ZNG1F: variants seen among roughly 807,000 people sequenced by gnomAD.
ZNG1F encodes Zn regulated GTPase metalloprotein activator 1F.
the ZNG1F span, chr9:41,158,614 T>A: frequency 1.6e-5 from 1 of 62,250 alleles, no homozygotes; most frequent in African/African-American, 5.5e-5. Flanking sequence ...ATATTAGACC[T>A]GTATAACAAA....
the ZNG1F span, chr9:41,174,322 G>A: frequency 6.3e-7 from 1 of 1,592,698 alleles, no homozygotes; most frequent in Non-Finnish European, 8.5e-7. Flanking sequence ...CCCTAATTCG[G>A]CATCAACCCA....
chr9:41,154,639 A>G, the ZNG1F span, among the ~76,000 whole-genome samples: 1 of 147,516 alleles, frequency 6.8e-6, no homozygotes, highest in South Asian at 2.2e-4. Context: ...ACAGCATGGT[A>G]CTGGTACCAA....
the ZNG1F span, chr9:41,157,435 G>A: frequency 2.2e-5 from 3 of 138,878 alleles, no homozygotes; most frequent in African/African-American, 8.4e-5. Flanking sequence ...CTGCACTCCA[G>A]CCTGGCACAG....
the ZNG1F span, among the ~76,000 whole-genome samples, chr9:41,174,665 A>C: frequency 8.6e-6 from 1 of 116,518 alleles, no homozygotes; most frequent in East Asian, 2.2e-4. Context: ...ATATTATCAA[A>C]CAATTTGAGC....
At chr9:41,187,261 AG>A in the ZNG1F span, among the ~76,000 whole-genome samples, 3 of 133,314 alleles carry the variant, frequency 2.3e-5, no homozygotes, top group Non-Finnish European at 4.9e-5. Context: ...TATTAAGGGA[AG>A]GGGGGAATGG....
chr9:41,156,199 C>A, the ZNG1F span, among the ~76,000 whole-genome samples: 2 of 121,104 alleles, frequency 1.7e-5, no homozygotes, highest in Non-Finnish European at 3.4e-5. Flanking sequence ...CAGGAAAATG[C>A]AATATGATTT....
At chr9:41,165,080 C>A in the ZNG1F span, 1 of 1,578,710 alleles carries the variant, frequency 6.3e-7, no homozygotes, top group Non-Finnish European at 8.6e-7. Flanking sequence ...TCTGCCAAAG[C>A]AACTTGCCTA....
chr9:41,156,025 T>TG, the ZNG1F span, among the ~76,000 whole-genome samples: 1 of 107,302 alleles, frequency 9.3e-6, no homozygotes, highest in Non-Finnish European at 1.9e-5. Context: ...AAATAAAAAA[T>TG]AAAAAAATAA....
At chr9:41,184,487 ATACT>A in the ZNG1F span, among the ~76,000 whole-genome samples, 1 of 144,034 alleles carries the variant, frequency 6.9e-6, no homozygotes, top group Non-Finnish European at 1.5e-5. Flanking sequence ...TTTCCTAGCA[ATACT>A]TACTTAAGAA....
chr9:41,204,385 A>ATT, the ZNG1F span, among the ~76,000 whole-genome samples: 4 of 36,444 alleles, frequency 1.1e-4, no homozygotes, highest in Non-Finnish European at 2.4e-4. Flanking sequence ...ATAAATTTTT[A>ATT]TTTTATATAT....
chr9:41,183,708 C>A, the ZNG1F span: 2 of 1,604,994 alleles, frequency 1.2e-6, no homozygotes, highest in South Asian at 1.1e-5. Flanking sequence ...TAGCTTATGT[C>A]CATTAGCCAA....
the ZNG1F span, among the ~76,000 whole-genome samples, chr9:41,180,709 C>G: frequency 7.9e-6 from 1 of 126,500 alleles, no homozygotes; most frequent in Non-Finnish European, 1.7e-5. Flanking sequence ...TGTATACAGT[C>G]TTGCTCTGTT....
the ZNG1F span, among the ~76,000 whole-genome samples, chr9:41,171,380 A>C: frequency 3.2e-5 from 1 of 30,792 alleles, no homozygotes; most frequent in African/African-American, 9.4e-5. Context: ...AGGTATTGGT[A>C]GCTATTTGAC....
chr9:41,166,475 A>T, the ZNG1F span, among the ~76,000 whole-genome samples: 133 of 126,674 alleles, frequency 1.0e-3, no homozygotes, highest in East Asian at 4.2e-3. Flanking sequence ...TATATATATA[A>T]AATCTTCAAT....
the ZNG1F span, among the ~76,000 whole-genome samples, chr9:41,183,327 C>A: frequency 8.0e-6 from 1 of 124,734 alleles, no homozygotes; most frequent in Non-Finnish European, 1.7e-5. Flanking sequence ...ATTAAATAAG[C>A]CCTGACATCA....
At chr9:41,150,248 T>C in the ZNG1F span, among the ~76,000 whole-genome samples, 26 of 148,776 alleles carry the variant, frequency 1.7e-4, no homozygotes, top group Non-Finnish European at 3.0e-4. Context: ...CCCACCCGAA[T>C]ACTGCGCTTT....
the ZNG1F span, among the ~76,000 whole-genome samples, chr9:41,146,403 C>CAAA: frequency 3.9e-4 from 1 of 2,538 alleles, no homozygotes; most frequent in African/African-American, 5.8e-4. Context: ...TCATACGCAG[C>CAAA]AAAAAAAAAA....
chr9:41,159,229 A>C, the ZNG1F span, among the ~76,000 whole-genome samples: 1 of 149,836 alleles, frequency 6.7e-6, no homozygotes, highest in Admixed American at 6.8e-5. Flanking sequence ...CAATCCAAGT[A>C]TCCAGTATCT....
At chr9:41,183,256 C>T in the ZNG1F span, among the ~76,000 whole-genome samples, 1 of 142,680 alleles carries the variant, frequency 7.0e-6, no homozygotes, top group Non-Finnish European at 1.5e-5. Context: ...AGAAGTATGA[C>T]CAATGACAGA....
Sources: gnomAD v4.1 joint callset for allele counts (sites outside exome capture counted in the v4.1 genomes callset) on GRCh38, gnomAD v4.1.1 for gene constraint, MANE v1.5 for transcripts, NCBI Gene and HGNC (gene_info 2026-07-23, HGNC 2026-07-21) for gene names.